The following SAMD5 variants were observed in gnomAD, a reference collection of about 807,000 sequenced individuals.
The protein encoded by SAMD5 is sterile alpha motif domain containing 5.
Under a neutral mutation model 11.3 loss-of-function variants are expected in SAMD5, and 13 were observed. The ratio of observed to expected loss-of-function variants is 1.15; its 90% CI spans 0.75 to 1.83. The LOEUF (loss-of-function observed/expected upper bound fraction) is 1.83. Among genes scored for constraint, SAMD5 ranks in the 40% most tolerant of loss-of-function variants. The probability of loss-of-function intolerance (pLI) is 0.00; values close to 1 mark genes in which losing one functional copy is unlikely to be tolerated. For synonymous variants in SAMD5, 129 were observed against 111.3 expected, an observed-to-expected ratio of 1.16 and a Z score of -1.00; for missense variants, 255 against 239.1, an observed-to-expected ratio of 1.07 and a Z score of -0.44.
At chr6:147,704,057 G>A (rs555995849) in intron 1 of SAMD5, among the ~76,000 whole-genome samples, 4 of 151,910 alleles carry the variant, frequency 2.6e-5, no homozygotes, top group Admixed American at 6.6e-5. Context: ...CACCATGCCC[G>A]GCTAATTTTT....
the SAMD5 span, among the ~76,000 whole-genome samples, chr6:147,806,020 C>T: frequency 6.6e-6 from 1 of 152,096 alleles, no homozygotes; most frequent in African/African-American, 2.4e-5. Context: ...CTGGGGACCA[C>T]AGCAAGCAGG....
chr6:147,510,696 C>T (rs1788075218), intron 1 of SAMD5, among the ~76,000 whole-genome samples: 1 of 152,162 alleles, frequency 6.6e-6, no homozygotes, highest in Non-Finnish European at 1.5e-5. Flanking sequence ...TTAATATTAT[C>T]TACTACCTTG....
chr6:147,726,398 A>G (rs1791627093), intron 1 of SAMD5, among the ~76,000 whole-genome samples: 1 of 152,244 alleles, frequency 6.6e-6, no homozygotes, highest in African/African-American at 2.4e-5. Context: ...TAATCCTGCA[A>G]AAAAGCAGTT....
chr6:147,878,730 A>G, the SAMD5 span, among the ~76,000 whole-genome samples: 1 of 151,320 alleles, frequency 6.6e-6, no homozygotes, highest in Admixed American at 6.6e-5. Flanking sequence ...GTATATCTAT[A>G]TATAGGTCCT....
At chr6:147,798,373 C>A in the SAMD5 span, among the ~76,000 whole-genome samples, 1,272 of 149,392 alleles carry the variant, frequency 8.5e-3, 17 homozygotes, top group African/African-American at 0.028. Flanking sequence ...TGTAGTTGAG[C>A]GGTTTTGAGT....
chr6:147,951,444 T>G, the SAMD5 span, among the ~76,000 whole-genome samples: 20 of 152,216 alleles, frequency 1.3e-4, no homozygotes, highest in African/African-American at 4.8e-4. Flanking sequence ...CCTCCCAAAG[T>G]GTCTTTTCTT....
intron 1 of SAMD5, among the ~76,000 whole-genome samples, chr6:147,621,689 C>T (rs73787334): frequency 3.3e-5 from 5 of 152,118 alleles, no homozygotes; most frequent in Admixed American, 6.5e-5. Flanking sequence ...GGAGAGCTGC[C>T]GAGGAGCAGC....
the SAMD5 span, among the ~76,000 whole-genome samples, chr6:147,827,087 T>G: frequency 6.6e-6 from 1 of 152,000 alleles, no homozygotes; most frequent in African/African-American, 2.4e-5. Flanking sequence ...TATAGGAAAA[T>G]GAGTTAGGTT....
At chr6:147,537,855 T>C (rs1166493677) in intron 1 of SAMD5, among the ~76,000 whole-genome samples, 4 of 152,326 alleles carry the variant, frequency 2.6e-5, no homozygotes, top group Non-Finnish European at 1.5e-5. Flanking sequence ...AATTTGTCTC[T>C]TTTCTTTTCT....
chr6:147,742,466 C>A (rs1291281593), downstream of SAMD5, among the ~76,000 whole-genome samples: 1 of 152,150 alleles, frequency 6.6e-6, no homozygotes, highest in Non-Finnish European at 1.5e-5. Context: ...GATATACGTA[C>A]CATGCTGTTT....
At chr6:147,809,861 C>A in the SAMD5 span, among the ~76,000 whole-genome samples, 1 of 152,204 alleles carries the variant, frequency 6.6e-6, no homozygotes, top group African/African-American at 2.4e-5. Flanking sequence ...TAGCTAAAAA[C>A]GTCTCCAGAC....
the SAMD5 span, among the ~76,000 whole-genome samples, chr6:147,861,796 G>C: frequency 6.6e-6 from 1 of 152,202 alleles, no homozygotes; most frequent in Non-Finnish European, 1.5e-5. Context: ...CCAAAAGAAA[G>C]CCCAAGAAGT....
chr6:147,801,346 G>C, the SAMD5 span, among the ~76,000 whole-genome samples: 143 of 151,714 alleles, frequency 9.4e-4, no homozygotes, highest in Admixed American at 2.6e-3. Context: ...GCTTGGTCCT[G>C]GCCACACAAA....
chr6:147,675,518 A>G (rs962677085), intron 1 of SAMD5, among the ~76,000 whole-genome samples: 1 of 152,194 alleles, frequency 6.6e-6, no homozygotes, highest in Non-Finnish European at 1.5e-5. Context: ...TTAGGGATGA[A>G]TGTTTCTTTG....
chr6:147,627,276 T>C (rs1583112946), intron 1 of SAMD5, among the ~76,000 whole-genome samples: 1 of 152,252 alleles, frequency 6.6e-6, no homozygotes, highest in East Asian at 1.9e-4. Context: ...CCTGACCAAC[T>C]GAAGGCCCTT....
chr6:147,566,120 T>C lies in SAMD5; in HGVS notation c.*1664T>C, dbSNP rs1159274286. On this transcript the variant is annotated 3_prime_UTR_variant, in exon 2 of 2. Transcript: ENST00000367474. ...AATACTGCTTTAAAAATCTGAAGTT[T>C]AAATAGTTTAGCTATTTCTGTAGGT... 2.0e-6 allele frequency: 2 copies of C among 981,802 alleles called. No individual in the cohort carries two copies. The highest frequency in any genetic ancestry group is 3.5e-5 in the African/African-American group (2 of 57,160). 60.8% of individuals were successfully genotyped at this position (981,802 alleles called of 1,614,324 possible).
intron 1 of SAMD5, among the ~76,000 whole-genome samples, chr6:147,620,577 C>A (rs954431950): frequency 6.6e-6 from 1 of 152,120 alleles, no homozygotes; most frequent in Non-Finnish European, 1.5e-5. Context: ...GCCATAAGAG[C>A]CATAAGATAT....
chr6:147,752,476 C>T, the SAMD5 span, among the ~76,000 whole-genome samples: 1 of 152,050 alleles, frequency 6.6e-6, no homozygotes, highest in Non-Finnish European at 1.5e-5. Flanking sequence ...TTAATTATTC[C>T]ATCGTCATTT....
At chr6:147,827,474 C>T in the SAMD5 span, among the ~76,000 whole-genome samples, 3 of 152,200 alleles carry the variant, frequency 2.0e-5, no homozygotes, top group East Asian at 5.8e-4. Context: ...AACAATAGAG[C>T]GGAACCTGTA....
Sources: allele counts gnomAD v4.1 joint callset (sites outside exome capture counted in the v4.1 genomes callset), GRCh38; gene constraint gnomAD v4.1.1; transcripts MANE v1.5; gene names NCBI Gene and HGNC (gene_info 2026-07-23, HGNC 2026-07-21).